The following ATAD2B variants were observed in gnomAD, a reference collection of about 807,000 sequenced individuals.
ATAD2B encodes the protein ATPase family AAA domain-containing protein 2B.
A neutral mutation model predicts 167.6 loss-of-function variants in ATAD2B; 40 were observed. The ratio of observed to expected loss-of-function variants is 0.24; its 90% CI spans 0.19 to 0.31. ATAD2B has a LOEUF of 0.31. Ranked by LOEUF, ATAD2B falls within the 10% of genes least tolerant of loss-of-function variation. ATAD2B has a pLI of 1.00. For missense variants in ATAD2B, 1,242 were observed against 1,757.2 expected (o/e 0.71, Z 5.24); for synonymous variants, 579 against 596.5 (o/e 0.97, Z 0.43).
At chr2:23,741,785 A>C in the ATAD2B span, among the ~76,000 whole-genome samples, 1 of 152,216 alleles carries the variant, frequency 6.6e-6, no homozygotes, top group Non-Finnish European at 1.5e-5. Context: ...AATGGGAGAA[A>C]ATTTTTGCAA....
intron 18 of ATAD2B, among the ~76,000 whole-genome samples, chr2:23,808,206 A>AATAT (rs1285507303): frequency 7.7e-6 from 1 of 129,972 alleles, no homozygotes; most frequent in Non-Finnish European, 1.6e-5. Context: ...TTTATATAAA[A>AATAT]ATATATATAT....
chr2:23,728,480 GA>G, the ATAD2B span, among the ~76,000 whole-genome samples: 1 of 151,422 alleles, frequency 6.6e-6, no homozygotes, highest in Non-Finnish European at 1.5e-5. Flanking sequence ...TACATACTAC[GA>G]AAAAAAGTCA....
intron 18 of ATAD2B, chr2:23,806,026 A>T (rs1684338918): frequency 6.6e-6 from 1 of 152,174 alleles, no homozygotes; most frequent in African/African-American, 2.4e-5. Context: ...CCCAGACTAT[A>T]TCTATTAATT....
chr2:23,869,024 C>A (rs1322573432), intron 9 of ATAD2B, among the ~76,000 whole-genome samples: 5 of 152,098 alleles, frequency 3.3e-5, no homozygotes, highest in Non-Finnish European at 7.4e-5. Context: ...ATGAGAAATT[C>A]TTTTTTAGTA....
the ATAD2B span, chr2:23,703,985 T>TC: frequency 1.8e-6 from 2 of 1,117,578 alleles, no homozygotes; most frequent in Non-Finnish European, 2.5e-6. Flanking sequence ...GCAGTGGCCC[T>TC]CCCCCTCCAA....
In ATAD2B at chr2:23,751,741, A is replaced by C; in HGVS notation, c.*305T>G. ...CCTAAGAGAGGAGTCTCCAAAAGAG[A>C]GTGCACAAAAAGAGGAGCAGAAGCG... On this transcript the variant is annotated 3_prime_UTR_variant, in exon 28 of 28. Coordinates refer to ENST00000238789, the MANE Select transcript of ATAD2B (RefSeq NM_017552.4). 5.4e-6 allele frequency: 2 copies of C among 372,982 alleles called. No individual in the cohort carries two copies. The highest frequency in any genetic ancestry group is 9.7e-6 in the Non-Finnish European group (2 of 207,102). 23.1% of individuals were successfully genotyped at this position (372,982 alleles called of 1,614,324 possible).
At chr2:23,777,048 T>C (rs1679253775) in intron 22 of ATAD2B, among the ~76,000 whole-genome samples, 1 of 151,932 alleles carries the variant, frequency 6.6e-6, no homozygotes. Context: ...ACTGATGTCC[T>C]TACAAGGAGA....
intron 24 of ATAD2B, among the ~76,000 whole-genome samples, chr2:23,759,057 G>A (rs895124206): frequency 6.6e-6 from 1 of 151,812 alleles, no homozygotes; most frequent in East Asian, 1.9e-4. Context: ...TTATAATTTG[G>A]GACACTTGCA....
At chr2:23,879,814 G>A (rs941005886) in intron 7 of ATAD2B, among the ~76,000 whole-genome samples, 1 of 152,086 alleles carries the variant, frequency 6.6e-6, no homozygotes, top group Non-Finnish European at 1.5e-5. Context: ...CAGCACTTTG[G>A]GAGGCCAAGG....
the ATAD2B span, among the ~76,000 whole-genome samples, chr2:23,678,243 C>T: frequency 4.7e-4 from 71 of 152,332 alleles, no homozygotes; most frequent in African/African-American, 1.5e-3. Flanking sequence ...CTCTTCCAGT[C>T]CCCATTCCCT....
At chr2:23,866,496 T>C (rs1299565359) in intron 10 of ATAD2B, among the ~76,000 whole-genome samples, 3 of 151,696 alleles carry the variant, frequency 2.0e-5, no homozygotes, top group Non-Finnish European at 4.4e-5. Context: ...CAGATGAAAA[T>C]AAATGAAAGG....
chr2:23,754,877 A>C (rs919685285), intron 25 of ATAD2B, 103 bp from the exon 26 acceptor site: 5 of 1,216,272 alleles, frequency 4.1e-6, no homozygotes, highest in Non-Finnish European at 5.7e-6. Context: ...TCCCTTTTGG[A>C]ATGAGGAAGG....
chr2:23,751,926 G>T lies in ATAD2B; in HGVS notation c.*120C>A. On this transcript the variant is annotated 3_prime_UTR_variant, in exon 28 of 28. Transcript: ENST00000238789. ...CAAATTCAACAGAGAGAAAGAATGA[G>T]TGAGAGAGCACTTTACACCAAGGCT... is the stretch of plus-strand genomic sequence containing the variant. The T allele has an allele frequency of 1.2e-6, 1 of 802,300 alleles. No individual in the cohort carries two copies. Among genetic ancestry groups the T allele is most frequent in the Non-Finnish European group, 2.0e-6 (1 of 497,844 alleles). 49.7% of individuals were successfully genotyped at this position (802,300 alleles called of 1,614,324 possible). A position where few individuals can be genotyped will look rare whatever the true frequency, so the allele number is the denominator to read the frequency against.
chr2:23,845,053 GAGA>G (rs773357479), intron 13 of ATAD2B, among the ~76,000 whole-genome samples: 146 of 152,088 alleles, frequency 9.6e-4, no homozygotes, highest in Middle Eastern at 6.8e-3. Flanking sequence ...CAATACAAAT[GAGA>G]AGAAGAAAGA....
chr2:23,751,171 G>C lies in ATAD2B; in HGVS notation c.*875C>G, dbSNP rs538712912. 6.6e-6 allele frequency: 1 copy of C among 152,022 alleles called. No homozygotes were observed. The highest frequency in any genetic ancestry group is 2.1e-4 in the South Asian group (1 of 4,832). 9.4% of individuals were successfully genotyped at this position (152,022 alleles called of 1,614,324 possible). A position where few individuals can be genotyped will look rare whatever the true frequency, so the allele number is the denominator to read the frequency against. ...TCATCATTGTTGGCAATACCAAAAC[G>C]TGTGCAGTTTTGTTTTTTGTTTTTT... On this transcript the variant is annotated 3_prime_UTR_variant, in exon 28 of 28. Coordinates refer to ENST00000238789, the MANE Select transcript of ATAD2B (RefSeq NM_017552.4).
rs1695642836 is a variant in ATAD2B at position 23,869,766 on chromosome 2, T to A, written c.978-5A>T. ...TGAATGGCATGCTTCTTTCTCCTATTTAAAGAGAGTAAAATCCTTAAAACC... is the reference window on the plus strand; with the variant it reads ...TGAATGGCATGCTTCTTTCTCCTATATAAAGAGAGTAAAATCCTTAAAACC... On this transcript the variant is annotated splice_region_variant and splice_polypyrimidine_tract_variant and intron_variant, in intron 8 of 27. Coordinates refer to ENST00000238789, the MANE Select transcript of ATAD2B (RefSeq NM_017552.4). 5 of 1,542,512 alleles carry A rather than the reference T, an allele frequency of 3.2e-6. No individual in the cohort carries two copies. The highest frequency in any genetic ancestry group is 4.4e-6 in the Non-Finnish European group (5 of 1,137,694).
At chr2:23,743,960 G>C (rs1388768917), downstream of ATAD2B, among the ~76,000 whole-genome samples, 1 of 152,048 alleles carries the variant, frequency 6.6e-6, no homozygotes, top group Non-Finnish European at 1.5e-5. Flanking sequence ...TAAATACAAT[G>C]AAGACTATTA....
downstream of ATAD2B, among the ~76,000 whole-genome samples, chr2:23,746,078 C>T (rs1674863075): frequency 6.6e-6 from 1 of 152,204 alleles, no homozygotes; most frequent in Non-Finnish European, 1.5e-5. Flanking sequence ...TCAGCTCAGG[C>T]AAGGAACCAG....
intron 13 of ATAD2B, among the ~76,000 whole-genome samples, chr2:23,854,905 A>T (rs964034699): frequency 1.3e-5 from 2 of 151,886 alleles, no homozygotes; most frequent in South Asian, 4.2e-4. Flanking sequence ...ATTTCAAAAC[A>T]AAGACTGGGC....
Sources: allele counts gnomAD v4.1 joint callset (sites outside exome capture counted in the v4.1 genomes callset), GRCh38; gene constraint gnomAD v4.1.1; transcripts MANE v1.5; gene names NCBI Gene and HGNC (gene_info 2026-07-23, HGNC 2026-07-21).